The following STON2 variants were observed in gnomAD, a reference collection of about 807,000 sequenced individuals.
STON2 encodes stonin 2, also known as stonin-2.
STON2 carries 29 observed loss-of-function variants against 65.7 expected under a neutral mutation model. The observed-to-expected ratio is 0.44, with a 90% CI of 0.33 to 0.60. The LOEUF (loss-of-function observed/expected upper bound fraction) is 0.60, where lower values mean the gene tolerates loss of function less well. Among genes scored for constraint, STON2 ranks in the 20% least tolerant of loss-of-function variants. STON2 has a pLI of 0.03. For synonymous variants in STON2, 404 were observed against 414.2 expected (o/e 0.98, Z 0.30); for missense variants, 1,054 against 1,118.1 (o/e 0.94, Z 0.82).
intron 2 of STON2, among the ~76,000 whole-genome samples, chr14:81,421,041 G>T (rs1374156282): frequency 6.6e-6 from 1 of 152,174 alleles, no homozygotes; most frequent in Non-Finnish European, 1.5e-5. Flanking sequence ...TGAGGTTCAT[G>T]TTCAAGGATG....
chr14:81,292,951 G>C (rs975097979), intron 5 of STON2, among the ~76,000 whole-genome samples: 2 of 152,150 alleles, frequency 1.3e-5, no homozygotes. Flanking sequence ...ACTGATCTGG[G>C]TTACAACTTC....
Position 81,412,888 on chromosome 14 carries a change from G to A in STON2, c.-199+14214C>T, listed in dbSNP as rs1020900752. Reference sequence around the variant, plus strand: ...TTAGAGGCGCCACGGCTTCCATAGCGATGGCAGCTCCAGCCGGGCGATGCT... The same window carrying A: ...TTAGAGGCGCCACGGCTTCCATAGCAATGGCAGCTCCAGCCGGGCGATGCT... On this transcript the variant is annotated intron_variant, in intron 2 of 8. Coordinates refer to the STON2 transcript ENST00000553821. 6 of 568,878 alleles carry A rather than the reference G, an allele frequency of 1.1e-5. No individual in the cohort carries two copies. In the South Asian group the frequency reaches 1.2e-4, roughly 12 times the overall value. The allele number at this position is 568,878 out of a possible 1,614,324, so 35.2% of individuals were successfully genotyped here.
intron 3 of STON2, among the ~76,000 whole-genome samples, chr14:81,386,702 T>A (rs1320378240): frequency 6.6e-6 from 1 of 152,224 alleles, no homozygotes; most frequent in East Asian, 1.9e-4. Context: ...AGCCCTGGCC[T>A]TGCAGAAAAA....
upstream of STON2, among the ~76,000 whole-genome samples, chr14:81,403,531 T>A (rs931658668): frequency 6.6e-6 from 1 of 152,182 alleles, no homozygotes; most frequent in Non-Finnish European, 1.5e-5. Context: ...GGGCCTTGAA[T>A]ACATGCAAGA....
intron 5 of STON2, among the ~76,000 whole-genome samples, chr14:81,301,866 T>C (rs1885603): frequency 1.3e-4 from 20 of 152,134 alleles, no homozygotes; most frequent in Admixed American, 3.9e-4. Context: ...TATTGTAGAT[T>C]TGTCAATCTC....
At chr14:81,336,290 G>A (rs1293088347) in intron 4 of STON2, among the ~76,000 whole-genome samples, 3 of 152,116 alleles carry the variant, frequency 2.0e-5, no homozygotes, top group African/African-American at 7.2e-5. Flanking sequence ...CTGTGAAGCG[G>A]TTAGGTAGGG....
intron 5 of STON2, among the ~76,000 whole-genome samples, chr14:81,284,134 C>T (rs1013299732): frequency 6.6e-6 from 1 of 152,160 alleles, no homozygotes; most frequent in African/African-American, 2.4e-5. Flanking sequence ...CTTCTTCAGG[C>T]CTCCTTATTC....
chr14:81,424,306 T>C (rs943578366), intron 2 of STON2, among the ~76,000 whole-genome samples: 2 of 151,606 alleles, frequency 1.3e-5, no homozygotes, highest in African/African-American at 4.9e-5. Context: ...TAGCTGGGAG[T>C]GGTGGCGCAC....
chr14:81,414,232 C>A (rs1452209226), intron 2 of STON2, among the ~76,000 whole-genome samples: 1 of 98,242 alleles, frequency 1.0e-5, no homozygotes, highest in African/African-American at 5.9e-5. Context: ...GCTCATTAGA[C>A]ATCCAAGAGA....
In STON2 at chr14:81,264,264, T is replaced by C. The variant is rs1406115507; in HGVS notation, c.*4150A>G. 1 of 985,334 alleles carries C rather than the reference T, an allele frequency of 1.0e-6. No individual in the cohort carries two copies. Among genetic ancestry groups the C allele is most frequent in the Non-Finnish European group, 1.2e-6 (1 of 829,938 alleles). The allele number at this position is 985,334 out of a possible 1,614,324, so 61.0% of individuals were successfully genotyped here. A position where few individuals can be genotyped will look rare whatever the true frequency, so the allele number is the denominator to read the frequency against. ...GTGCCTAAATGCTGACAGGTTTTATTACTTGACTCTGGAGGCAGGAGTAAA... is the reference window on the plus strand; with the variant it reads ...GTGCCTAAATGCTGACAGGTTTTATCACTTGACTCTGGAGGCAGGAGTAAA... On this transcript the variant is annotated 3_prime_UTR_variant, in exon 8 of 8. Transcript: ENST00000614646.
rs1167149801 is a variant in STON2, at chr14:81,278,124, A to G, written c.1358T>C (p.Phe453Ser). The G allele has an allele frequency of 1.9e-6, 3 of 1,614,194 alleles. No individual in the cohort carries two copies. Among genetic ancestry groups the G allele is most frequent in the Non-Finnish European group, 2.5e-6 (3 of 1,180,042 alleles). ...ATCATCAGGTAGAGTTGCACTGCCA[A>G]AGTGATCAGGGTCATCAATTTGGAG... is the stretch of plus-strand genomic sequence containing the variant. The part of the protein sequence containing the change: ...KQLQIDDPDH[F>S]GSATLPDDDP... Residue 453 changes from phenylalanine (F) to serine (S), a missense_variant, in exon 6 of 8, where the codon TTT (phenylalanine) becomes TCT (serine). Phe to Ser is a radical substitution (Grantham distance 155, BLOSUM62 -2). Transcript: ENST00000614646.
intron 3 of STON2, among the ~76,000 whole-genome samples, chr14:81,391,563 T>C (rs1900079272): frequency 6.6e-6 from 1 of 152,256 alleles, no homozygotes; most frequent in Non-Finnish European, 1.5e-5. Flanking sequence ...AATTAGCTTA[T>C]GTGGGAGAGG....
Position 81,266,653 on chromosome 14 carries a change from T to C in STON2, c.*1761A>G, listed in dbSNP as rs928399979. The C allele has an allele frequency of 3.7e-5, 36 of 984,098 alleles. No individual in the cohort carries two copies. Among genetic ancestry groups the C allele is most frequent in the Non-Finnish European group, 4.2e-5 (35 of 828,836 alleles). The allele number at this position is 984,098 out of a possible 1,614,324, so 61.0% of individuals were successfully genotyped here. On this transcript the variant is annotated 3_prime_UTR_variant, in exon 8 of 8. Transcript: ENST00000614646. The stretch of plus-strand genomic sequence containing the variant: ...ACTAGATGGAGGGTTAATAAAAGCA[T>C]GTAAGGCTTTTATTAACACCAGCTG...
intron 5 of STON2, among the ~76,000 whole-genome samples, chr14:81,309,529 A>G (rs549861182): frequency 1.3e-5 from 2 of 152,290 alleles, no homozygotes; most frequent in Admixed American, 1.3e-4. Flanking sequence ...TCTATTAATA[A>G]ATCCCTAGGT....
intron 5 of STON2, among the ~76,000 whole-genome samples, chr14:81,308,781 C>CATATATATATATAT (rs57821672): frequency 7.2e-3 from 63 of 8,724 alleles, no homozygotes; most frequent in South Asian, 0.011. Flanking sequence ...TGGTTTTACC[C>CATATATATATATAT]ATATATATAT....
chr14:81,294,826 G>A (rs1895697143), intron 5 of STON2, among the ~76,000 whole-genome samples: 1 of 152,102 alleles, frequency 6.6e-6, no homozygotes, highest in African/African-American at 2.4e-5. Flanking sequence ...CCTAATCCCT[G>A]CCCTAGTTCA....
chr14:81,289,435 G>C (rs1416204247), intron 5 of STON2, among the ~76,000 whole-genome samples: 1 of 152,152 alleles, frequency 6.6e-6, no homozygotes, highest in Admixed American at 6.5e-5. Flanking sequence ...AAAAACTATA[G>C]GGAAAGGACG....
intron 2 of STON2, among the ~76,000 whole-genome samples, chr14:81,421,527 C>T (rs1301478523): frequency 6.6e-6 from 1 of 152,264 alleles, no homozygotes; most frequent in South Asian, 2.1e-4. Flanking sequence ...AGTGATTAGG[C>T]ATCGCAAGAT....
intron 4 of STON2, among the ~76,000 whole-genome samples, chr14:81,369,554 C>T (rs930376216): frequency 6.6e-6 from 1 of 152,218 alleles, no homozygotes; most frequent in African/African-American, 2.4e-5. Context: ...GAACTTGTTT[C>T]AACCCTGATG....
Sources: gnomAD v4.1 joint callset for allele counts (sites outside exome capture counted in the v4.1 genomes callset) on GRCh38, gnomAD v4.1.1 for gene constraint, MANE v1.5 for transcripts, NCBI Gene and HGNC (gene_info 2026-07-23, HGNC 2026-07-21) for gene names.